The following PCSK2 variants were observed in gnomAD, a reference collection of about 807,000 sequenced individuals.
The protein encoded by PCSK2 is neuroendocrine convertase 2.
In PCSK2, 14 loss-of-function variants were observed where a neutral mutation model predicts 69.7. The ratio of observed to expected loss-of-function variants is 0.20; its 90% confidence interval spans 0.13 to 0.31. The LOEUF is 0.31. Among genes scored for constraint, PCSK2 ranks in the 10% least tolerant of loss-of-function variants. PCSK2 has a pLI of 1.00. For missense variants in PCSK2, 544 were observed against 842.5 expected (o/e 0.65, Z 4.39); for synonymous variants, 307 against 320.7 (o/e 0.96, Z 0.46).
At position 17,478,364 on chromosome 20, in the gene PCSK2, T is replaced by G. The variant is rs547794782; in HGVS notation, c.1431-3220T>G. Among the ~76,000 whole-genome samples the G allele has an allele frequency of 3.3e-5, 5 of 152,348 alleles. No homozygotes were observed. In the South Asian group the frequency reaches 1.0e-3, roughly 32 times the overall value. On this transcript the variant is annotated intron_variant, in intron 11 of 11. Transcript: ENST00000262545. ...GCCCATAATAGGCATCTGATAAATG[T>G]TTGTTCCACATGGAATGAATTGTAA...
intron 2 of PCSK2, among the ~76,000 whole-genome samples, chr20:17,274,087 G>A (rs1284808646): frequency 6.6e-6 from 1 of 152,130 alleles, no homozygotes; most frequent in Non-Finnish European, 1.5e-5. Flanking sequence ...TGGATTTGGG[G>A]AGCAGTAGAA....
At chr20:17,289,225 C>T (rs1988615998) in intron 2 of PCSK2, among the ~76,000 whole-genome samples, 1 of 152,124 alleles carries the variant, frequency 6.6e-6, no homozygotes, top group Non-Finnish European at 1.5e-5. Context: ...GGTTGAAGAG[C>T]AAAATGAGAA....
chr20:17,437,140 G>T (rs112970800), intron 8 of PCSK2, among the ~76,000 whole-genome samples: 2 of 152,112 alleles, frequency 1.3e-5, no homozygotes, highest in Non-Finnish European at 2.9e-5. Flanking sequence ...AAGGGGCCGG[G>T]GGGGGGAGGG....
chr20:17,419,968 T>C (rs1417053739), intron 6 of PCSK2, among the ~76,000 whole-genome samples: 1 of 152,206 alleles, frequency 6.6e-6, no homozygotes, highest in African/African-American at 2.4e-5. Context: ...GAAAGTTTAC[T>C]ATAAATTCAG....
At chr20:17,348,857 T>G (rs1272125472) in intron 2 of PCSK2, among the ~76,000 whole-genome samples, 1 of 152,190 alleles carries the variant, frequency 6.6e-6, no homozygotes, top group Non-Finnish European at 1.5e-5. Context: ...TATCTTCAAA[T>G]GCAACCTCAT....
At chr20:17,265,097 C>G (rs1040274381) in intron 2 of PCSK2, among the ~76,000 whole-genome samples, 1 of 152,156 alleles carries the variant, frequency 6.6e-6, no homozygotes, top group African/African-American at 2.4e-5. Flanking sequence ...CTCCTGACAT[C>G]GGGTGATCCA....
At chr20:17,235,932 A>C (rs958963425) in intron 1 of PCSK2, among the ~76,000 whole-genome samples, 4 of 152,100 alleles carry the variant, frequency 2.6e-5, no homozygotes, top group Non-Finnish European at 5.9e-5. Context: ...TAAGTTAGGA[A>C]CCCTGATAAT....
At chr20:17,273,229 A>G (rs1428287919) in intron 2 of PCSK2, among the ~76,000 whole-genome samples, 2 of 152,146 alleles carry the variant, frequency 1.3e-5, no homozygotes, top group East Asian at 1.9e-4. Flanking sequence ...TGAAATATTA[A>G]CTATCATTGA....
At chr20:17,308,264 C>G (rs1261433962) in intron 2 of PCSK2, among the ~76,000 whole-genome samples, 1 of 152,202 alleles carries the variant, frequency 6.6e-6, no homozygotes, top group Non-Finnish European at 1.5e-5. Flanking sequence ...GGCCCCACCT[C>G]CAACACTGGG....
chr20:17,353,390 G>C, intron 2 of PCSK2, among the ~76,000 whole-genome samples: 1 of 151,832 alleles, frequency 6.6e-6, no homozygotes, highest in Middle Eastern at 3.4e-3. Flanking sequence ...GCTTGAACCC[G>C]GGAGGTGGAG....
chr20:17,426,436 T>C (rs2032250737), intron 6 of PCSK2, among the ~76,000 whole-genome samples: 1 of 152,236 alleles, frequency 6.6e-6, no homozygotes. Flanking sequence ...CTAATATGGG[T>C]ATTAGCAAAT....
chr20:17,264,422 A>G (rs1434231236), intron 2 of PCSK2, among the ~76,000 whole-genome samples: 4 of 152,180 alleles, frequency 2.6e-5, no homozygotes, highest in Admixed American at 2.6e-4. Flanking sequence ...CTCTCATCTC[A>G]AAGAATGGAT....
intron 2 of PCSK2, among the ~76,000 whole-genome samples, chr20:17,274,470 GC>G (rs1166245436): frequency 1.3e-5 from 2 of 152,186 alleles, no homozygotes; most frequent in Non-Finnish European, 2.9e-5. Flanking sequence ...GGCATAGCCA[GC>G]CCCTACCTGA....
At chr20:17,461,719 G>C (rs2033017278) in intron 10 of PCSK2, among the ~76,000 whole-genome samples, 1 of 152,190 alleles carries the variant, frequency 6.6e-6, no homozygotes, top group Non-Finnish European at 1.5e-5. Flanking sequence ...ACTTGATGCT[G>C]TAAATAGAAG....
At chr20:17,257,563 G>T (rs1987225331) in intron 1 of PCSK2, among the ~76,000 whole-genome samples, 1 of 152,104 alleles carries the variant, frequency 6.6e-6, no homozygotes, top group Admixed American at 6.5e-5. Context: ...GAATCTGCTT[G>T]GTTAACTTAA....
chr20:17,317,704 T>C (rs983122796), intron 2 of PCSK2, among the ~76,000 whole-genome samples: 1 of 151,732 alleles, frequency 6.6e-6, no homozygotes, highest in Non-Finnish European at 1.5e-5. Flanking sequence ...TTTGAAAGAG[T>C]AGAAATAAGA....
At chr20:17,345,658 C>A (rs1271735670) in intron 2 of PCSK2, among the ~76,000 whole-genome samples, 1 of 152,220 alleles carries the variant, frequency 6.6e-6, no homozygotes, top group Non-Finnish European at 1.5e-5. Context: ...TGAGGCCCTA[C>A]CTCAGAACAT....
chr20:17,371,082 T>C (rs1206485216), intron 5 of PCSK2, among the ~76,000 whole-genome samples: 1 of 152,066 alleles, frequency 6.6e-6, no homozygotes, highest in Non-Finnish European at 1.5e-5. Context: ...AAACCATACT[T>C]GGGGAAACAA....
chr20:17,254,022 G>C (rs1987088007), intron 1 of PCSK2, among the ~76,000 whole-genome samples: 1 of 152,142 alleles, frequency 6.6e-6, no homozygotes, highest in Admixed American at 6.5e-5. Context: ...CTTCTTTGAA[G>C]AAATGATTCC....
Sources: gnomAD v4.1 joint callset for allele counts (sites outside exome capture counted in the v4.1 genomes callset) on GRCh38, gnomAD v4.1.1 for gene constraint, MANE v1.5 for transcripts, NCBI Gene and HGNC (gene_info 2026-07-23, HGNC 2026-07-21) for gene names.